RMP24: variants seen among roughly 807,000 people sequenced by gnomAD.
The protein encoded by RMP24 is ribonuclease MRP protein subunit p24.
chr18:35,977,257 T>G, the RMP24 span, among the ~76,000 whole-genome samples: 7 of 152,116 alleles, frequency 4.6e-5, no homozygotes, highest in Non-Finnish European at 8.8e-5. Flanking sequence ...TTCTCGCTAC[T>G]AGATTGCAAG....
At chr18:35,975,745 T>A in the RMP24 span, among the ~76,000 whole-genome samples, 1 of 152,276 alleles carries the variant, frequency 6.6e-6, no homozygotes, top group Non-Finnish European at 1.5e-5. Flanking sequence ...GCCTGCTTAT[T>A]GTCTATCACT....
the RMP24 span, chr18:35,973,374 G>T: frequency 5.9e-6 from 1 of 170,792 alleles, no homozygotes; most frequent in East Asian, 1.6e-4. Flanking sequence ...CCTCTCCTCT[G>T]AATTCTAGAC....
chr18:35,974,160 G>T, the RMP24 span, among the ~76,000 whole-genome samples: 1 of 151,988 alleles, frequency 6.6e-6, no homozygotes, highest in Non-Finnish European at 1.5e-5. Flanking sequence ...TTTCCCTCTG[G>T]TCTCTATAAT....
the RMP24 span, chr18:35,974,810 C>A: frequency 1.6e-6 from 2 of 1,224,662 alleles, no homozygotes; most frequent in South Asian, 1.4e-5. Context: ...TATTAAATTT[C>A]AATATACTTT....
At chr18:35,978,909 A>T in the RMP24 span, 1 of 1,613,318 alleles carries the variant, frequency 6.2e-7, no homozygotes, top group Non-Finnish European at 8.5e-7. Context: ...CACTTCTCTC[A>T]ACTAAAAATG....
chr18:35,975,442 G>A, the RMP24 span, among the ~76,000 whole-genome samples: 1 of 152,086 alleles, frequency 6.6e-6, no homozygotes. Flanking sequence ...ATGCTCCTTT[G>A]CTTCAGATAG....
chr18:35,972,945 G>A, the RMP24 span: 1 of 1,613,210 alleles, frequency 6.2e-7, no homozygotes, highest in Non-Finnish European at 8.5e-7. Context: ...TTGGGCTCTT[G>A]TCGCCCCGCT....
the RMP24 span, chr18:35,975,021 G>A: frequency 6.2e-7 from 1 of 1,614,128 alleles, no homozygotes; most frequent in Non-Finnish European, 8.5e-7. Context: ...TCTTAATCGA[G>A]AAGCGAGAAA....
chr18:35,977,861 C>T, the RMP24 span, among the ~76,000 whole-genome samples: 1 of 152,192 alleles, frequency 6.6e-6, no homozygotes, highest in Admixed American at 6.5e-5. Context: ...CAGTCCCCTA[C>T]ATGTTCAAAA....
chr18:35,972,893 A>C, the RMP24 span: 1 of 1,614,166 alleles, frequency 6.2e-7, no homozygotes, highest in Non-Finnish European at 8.5e-7. Flanking sequence ...AGCTGGGCCT[A>C]CACTTCGTCG....
At chr18:35,973,302 C>T in the RMP24 span, 1 of 331,964 alleles carries the variant, frequency 3.0e-6, no homozygotes, top group East Asian at 6.4e-5. Context: ...GTTTTTCATC[C>T]AATCTCATGG....
the RMP24 span, chr18:35,977,404 T>C: frequency 1.2e-6 from 2 of 1,600,258 alleles, no homozygotes; most frequent in Non-Finnish European, 1.7e-6. Context: ...CTTATTTTTA[T>C]GGTAGTTGAT....
At chr18:35,976,396 G>T in the RMP24 span, among the ~76,000 whole-genome samples, 3 of 152,028 alleles carry the variant, frequency 2.0e-5, no homozygotes, top group African/African-American at 7.2e-5. Context: ...TCTTCCATTG[G>T]CATTTTCATC....
At chr18:35,978,991 T>G in the RMP24 span, 1 of 1,586,018 alleles carries the variant, frequency 6.3e-7, no homozygotes, top group Non-Finnish European at 8.5e-7. Context: ...CTCTGAAGGG[T>G]GGACTTTTAA....
At chr18:35,978,938 T>G in the RMP24 span, 3 of 1,612,684 alleles carry the variant, frequency 1.9e-6, no homozygotes, top group African/African-American at 4.0e-5. Context: ...TCAGAATGAA[T>G]CCCAAAAGAT....
At chr18:35,978,869 T>C in the RMP24 span, 6 of 1,611,286 alleles carry the variant, frequency 3.7e-6, no homozygotes, top group East Asian at 1.3e-4. Flanking sequence ...ATCTACTTGC[T>C]CCTCAAAGAA....
the RMP24 span, among the ~76,000 whole-genome samples, chr18:35,975,860 C>T: frequency 3.6e-4 from 55 of 152,202 alleles, no homozygotes; most frequent in African/African-American, 1.3e-3. Context: ...CAGTGTTGGT[C>T]AGGTAGGTGC....
At chr18:35,978,930 A>G in the RMP24 span, 1 of 1,613,380 alleles carries the variant, frequency 6.2e-7, no homozygotes, top group Non-Finnish European at 8.5e-7. Context: ...TTACTTAGTC[A>G]GAATGAATCC....
the RMP24 span, chr18:35,973,980 A>AT: frequency 6.6e-6 from 1 of 152,442 alleles, no homozygotes; most frequent in Non-Finnish European, 1.5e-5. Context: ...CTTTAAAAGG[A>AT]TTGTAAGGCC....
Sources: gnomAD v4.1 joint callset for allele counts (sites outside exome capture counted in the v4.1 genomes callset) on GRCh38, gnomAD v4.1.1 for gene constraint, MANE v1.5 for transcripts, NCBI Gene and HGNC (gene_info 2026-07-23, HGNC 2026-07-21) for gene names.